The following SRL variants were observed in gnomAD, a reference collection of about 807,000 sequenced individuals.
SRL encodes sarcalumenin.
Under a neutral mutation model 39.5 loss-of-function variants are expected in SRL, and 23 were observed. The ratio of observed to expected loss-of-function variants is 0.58; its 90% CI spans 0.42 to 0.82. The LOEUF is 0.82. SRL is among the 40% of genes least tolerant of loss of function. The pLI, the probability that SRL is intolerant of heterozygous loss-of-function variation, is 0.00. For synonymous variants in SRL, 272 were observed against 237.4 expected, an observed-to-expected ratio of 1.15 and a Z score of -1.34; for missense variants, 592 against 607.8, an observed-to-expected ratio of 0.97 and a Z score of 0.27.
At chr16:4,207,096 G>A (rs766603348) in intron 1 of SRL, 9 of 455,042 alleles carry the variant, frequency 2.0e-5, no homozygotes, top group South Asian at 1.2e-4. Flanking sequence ...GGGCTCCCCA[G>A]CCTCCTGGGG....
At chr16:4,228,496 G>A (rs1322846390) in intron 1 of SRL, among the ~76,000 whole-genome samples, 1 of 152,108 alleles carries the variant, frequency 6.6e-6, no homozygotes, top group Admixed American at 6.5e-5. Context: ...AGCACTTTGG[G>A]AGGCCGAGGC....
At chr16:4,202,854 G>A (rs1024240405) in intron 3 of SRL, among the ~76,000 whole-genome samples, 1 of 152,100 alleles carries the variant, frequency 6.6e-6, no homozygotes, top group Non-Finnish European at 1.5e-5. Flanking sequence ...GATTGAAATA[G>A]GCATCATCGC....
intron 5 of SRL, among the ~76,000 whole-genome samples, 193 bp from the exon 6 acceptor site, chr16:4,193,157 A>C (rs2052091470): frequency 6.6e-6 from 1 of 152,088 alleles, no homozygotes; most frequent in Non-Finnish European, 1.5e-5. Flanking sequence ...GAACAGCCTG[A>C]TCCTTGTTTT....
intron 1 of SRL, chr16:4,208,049 A>T: frequency 2.2e-6 from 1 of 456,232 alleles, no homozygotes; most frequent in South Asian, 1.6e-5. Flanking sequence ...CAGAGAAATG[A>T]TTCTCCAACA....
intron 1 of SRL, among the ~76,000 whole-genome samples, chr16:4,236,834 G>C (rs1198866274): frequency 6.6e-6 from 1 of 151,864 alleles, no homozygotes; most frequent in Non-Finnish European, 1.5e-5. Flanking sequence ...TAGTAGAGAT[G>C]GGGTTTCACC....
At chr16:4,228,369 G>A (rs1044031205) in intron 1 of SRL, among the ~76,000 whole-genome samples, 4 of 152,154 alleles carry the variant, frequency 2.6e-5, no homozygotes, top group African/African-American at 9.7e-5. Context: ...CCGGGAGGTG[G>A]AGGTTGCAGT....
chr16:4,240,700 A>G (rs2052763919), intron 1 of SRL, among the ~76,000 whole-genome samples: 1 of 152,146 alleles, frequency 6.6e-6, no homozygotes, highest in African/African-American at 2.4e-5. Flanking sequence ...TAAAAGGCCA[A>G]AAATTCCTGG....
At chr16:4,228,165 G>T (rs2052612781) in intron 1 of SRL, among the ~76,000 whole-genome samples, 1 of 152,262 alleles carries the variant, frequency 6.6e-6, no homozygotes, top group African/African-American at 2.4e-5. Context: ...AAGGCCGGGA[G>T]CAGTGGCTCA....
rs1414095183 is a variant in SRL, at chr16:4,190,225, A to T, written c.*1928T>A. 7.5e-6 allele frequency: 3 copies of T among 398,430 alleles called. No individual in the cohort carries two copies. Among genetic ancestry groups the T allele is most frequent in the African/African-American group, 6.2e-5 (3 of 48,598 alleles). The allele number at this position is 398,430 out of a possible 1,614,324, so 24.7% of individuals were successfully genotyped here. ...ACAATTCTGAGAACCGGGAATTCCT[A>T]ACTCGAGGTTCTCCTCATAGACCTA... On this transcript the variant is annotated 3_prime_UTR_variant, in exon 6 of 6. Coordinates refer to ENST00000399609, the MANE Select transcript of SRL (RefSeq NM_001098814.2).
chr16:4,209,008 C>T (rs1410248563), intron 1 of SRL, among the ~76,000 whole-genome samples: 3 of 152,196 alleles, frequency 2.0e-5, no homozygotes, highest in Non-Finnish European at 2.9e-5. Flanking sequence ...TGTGGTGGCT[C>T]ATGCCTGTAA....
intron 1 of SRL, among the ~76,000 whole-genome samples, chr16:4,211,043 C>T (rs894057294): frequency 6.6e-6 from 1 of 152,178 alleles, no homozygotes; most frequent in Non-Finnish European, 1.5e-5. Context: ...CAAACTGCCC[C>T]TCAGCCAGCG....
intron 1 of SRL, among the ~76,000 whole-genome samples, chr16:4,205,387 G>A (rs1567178393): frequency 1.3e-5 from 2 of 152,124 alleles, no homozygotes; most frequent in Non-Finnish European, 2.9e-5. Flanking sequence ...TTGAACCCCA[G>A]CCTGGGCAAA....
intron 3 of SRL, among the ~76,000 whole-genome samples, chr16:4,200,352 C>T (rs114131509): frequency 0.016 from 2,468 of 152,290 alleles, 62 homozygotes; most frequent in African/African-American, 0.056. Context: ...TCCGGTTCTC[C>T]GAGACAAACC....
chr16:4,193,382 A>G (rs924653420), intron 5 of SRL, among the ~76,000 whole-genome samples: 2 of 152,214 alleles, frequency 1.3e-5, no homozygotes, highest in Non-Finnish European at 2.9e-5. Context: ...AGAAAGCTAA[A>G]TACCTGTTCA....
intron 1 of SRL, among the ~76,000 whole-genome samples, chr16:4,234,631 G>A (rs760386860): frequency 2.0e-4 from 30 of 152,190 alleles, no homozygotes; most frequent in African/African-American, 4.8e-4. Context: ...AGTTAAATCC[G>A]TCCCATTTGC....
chr16:4,206,074 G>C (rs1308306188), intron 1 of SRL, among the ~76,000 whole-genome samples: 1 of 152,180 alleles, frequency 6.6e-6, no homozygotes, highest in Non-Finnish European at 1.5e-5. Flanking sequence ...GTACTAAGCA[G>C]ATGCAGCCAT....
intron 1 of SRL, among the ~76,000 whole-genome samples, chr16:4,210,432 C>G (rs1006729870): frequency 6.7e-6 from 1 of 149,516 alleles, no homozygotes; most frequent in African/African-American, 2.5e-5. Context: ...GTATCTTCAT[C>G]ATACTGAATT....
chr16:4,203,077 A>C, intron 3 of SRL, 89 bp downstream of exon 3: 1 of 1,130,056 alleles, frequency 8.8e-7, no homozygotes, highest in Non-Finnish European at 1.3e-6. Context: ...GGGTACCGGG[A>C]GAGTCCAGGC....
chr16:4,216,665 T>C (rs1174596455), intron 1 of SRL, among the ~76,000 whole-genome samples: 3 of 152,202 alleles, frequency 2.0e-5, no homozygotes, highest in East Asian at 1.9e-4. Flanking sequence ...GGATACTCTA[T>C]AGAGCACTCA....
Sources: allele counts gnomAD v4.1 joint callset (sites outside exome capture counted in the v4.1 genomes callset), GRCh38; gene constraint gnomAD v4.1.1; transcripts MANE v1.5; gene names NCBI Gene and HGNC (gene_info 2026-07-23, HGNC 2026-07-21).